Variants in RBFOX1 observed in about 807,000 individuals in gnomAD.
RBFOX1 encodes RNA binding protein fox-1 homolog 1.
In RBFOX1, 8 loss-of-function variants were observed where a neutral mutation model predicts 57.7. The observed-to-expected ratio is 0.14, with a 90% confidence interval of 0.08 to 0.25. RBFOX1 has a LOEUF of 0.25. RBFOX1 is among the 10% of genes least tolerant of loss of function. RBFOX1 has a pLI of 1.00. For missense variants in RBFOX1, 611 were observed against 548.5 expected, an observed-to-expected ratio of 1.11 and a Z score of -1.14; for synonymous variants, 326 against 222.4, an observed-to-expected ratio of 1.47 and a Z score of -4.15.
intron 3 of RBFOX1, among the ~76,000 whole-genome samples, chr16:5,719,452 C>G (rs1021891566): frequency 6.6e-6 from 1 of 151,744 alleles, no homozygotes; most frequent in Non-Finnish European, 1.5e-5. Context: ...GCTCGCGATC[C>G]GCCCACCTCG....
intron 2 of RBFOX1, among the ~76,000 whole-genome samples, chr16:6,396,898 G>A (rs1156522061): frequency 6.6e-6 from 1 of 152,096 alleles, no homozygotes; most frequent in African/African-American, 2.4e-5. Flanking sequence ...GAAAATTTTA[G>A]AATTACAAAT....
At chr16:6,885,965 A>G (rs11077102) in intron 3 of RBFOX1, among the ~76,000 whole-genome samples, 1 of 152,078 alleles carries the variant, frequency 6.6e-6, no homozygotes, top group Non-Finnish European at 1.5e-5. Context: ...GTTTGCTGTC[A>G]AGAATCACAA....
At chr16:5,754,141 A>G (rs2053313472) in intron 3 of RBFOX1, among the ~76,000 whole-genome samples, 1 of 152,190 alleles carries the variant, frequency 6.6e-6, no homozygotes, top group African/African-American at 2.4e-5. Flanking sequence ...ATTTTCCTGG[A>G]GTTGGCATAA....
In RBFOX1 at chr16:5,847,654, A is replaced by G. The variant is rs779015084; in HGVS notation, c.319-19649A>G. Among the ~76,000 whole-genome samples, 16 of 152,198 alleles carry G rather than the reference A, an allele frequency of 1.1e-4. No individual in the cohort carries two copies. In the South Asian group the frequency reaches 2.1e-3, roughly 20 times the overall value. On this transcript the variant is annotated intron_variant, in intron 3 of 19. Transcript: ENST00000641259. ...CTTTCTGGAGACTTTTAGTGAAGCT[A>G]TATGGCCCTCCGGAGGCTGACTGGC...
At chr16:7,004,735 A>C (rs957286677) in intron 3 of RBFOX1, among the ~76,000 whole-genome samples, 1 of 152,270 alleles carries the variant, frequency 6.6e-6, no homozygotes, top group Admixed American at 6.5e-5. Flanking sequence ...TATTCAAGAA[A>C]GGAGAAGTAG....
At chr16:6,071,285 C>T (rs1171319951) in intron 1 of RBFOX1, among the ~76,000 whole-genome samples, 1 of 152,308 alleles carries the variant, frequency 6.6e-6, no homozygotes, top group South Asian at 2.1e-4. Context: ...TGCACCATTG[C>T]ACTCCAGCCT....
intron 3 of RBFOX1, among the ~76,000 whole-genome samples, chr16:7,008,486 T>C (rs975724958): frequency 3.3e-5 from 5 of 151,908 alleles, no homozygotes; most frequent in African/African-American, 4.8e-5. Flanking sequence ...GTTGCAGTGA[T>C]CTGAGATCAT....
chr16:6,888,147 A>C (rs1439989121), intron 3 of RBFOX1, among the ~76,000 whole-genome samples: 2 of 152,158 alleles, frequency 1.3e-5, no homozygotes, highest in Non-Finnish European at 2.9e-5. Flanking sequence ...TTTAGGATTT[A>C]AGAACAGTAG....
chr16:6,681,610 C>T (rs765832050), intron 3 of RBFOX1, among the ~76,000 whole-genome samples: 4 of 144,090 alleles, frequency 2.8e-5, no homozygotes, highest in Non-Finnish European at 4.5e-5. Flanking sequence ...AAGCCGTAAA[C>T]AAAGAAATAA....
chr16:7,478,666 G>T (rs952876434), intron 4 of RBFOX1, among the ~76,000 whole-genome samples: 1 of 152,042 alleles, frequency 6.6e-6, no homozygotes, highest in Non-Finnish European at 1.5e-5. Flanking sequence ...CCAGCTTTCC[G>T]CTATATGCAA....
chr16:5,700,845 C>G (rs143629833), intron 3 of RBFOX1, among the ~76,000 whole-genome samples: 72 of 152,282 alleles, frequency 4.7e-4, no homozygotes, highest in African/African-American at 1.6e-3. Flanking sequence ...CATCTGTGAA[C>G]CAGTCATAGG....
intron 4 of RBFOX1, among the ~76,000 whole-genome samples, chr16:7,090,973 G>C (rs553993134): frequency 6.6e-6 from 1 of 152,242 alleles, no homozygotes; most frequent in East Asian, 1.9e-4. Context: ...CAATTGAGCT[G>C]TTTCTCCTAG....
intron 1 of RBFOX1, among the ~76,000 whole-genome samples, chr16:5,389,084 G>C (rs985192303): frequency 6.6e-6 from 1 of 151,512 alleles, no homozygotes. Flanking sequence ...CCAGCTACTC[G>C]GGAGGCTGAG....
At chr16:7,144,193 T>A (rs2074422226) in intron 4 of RBFOX1, among the ~76,000 whole-genome samples, 1 of 152,112 alleles carries the variant, frequency 6.6e-6, no homozygotes, top group Non-Finnish European at 1.5e-5. Context: ...ACGGATAGAC[T>A]CCATTTCTCC....
At chr16:6,828,038 G>C (rs1281577039) in intron 3 of RBFOX1, among the ~76,000 whole-genome samples, 1 of 152,104 alleles carries the variant, frequency 6.6e-6, no homozygotes, top group African/African-American at 2.4e-5. Context: ...ACTGGCACTG[G>C]TAAACCCTTG....
intron 2 of RBFOX1, among the ~76,000 whole-genome samples, chr16:6,324,130 T>A (rs1341143341): frequency 6.6e-6 from 1 of 152,008 alleles, no homozygotes; most frequent in Non-Finnish European, 1.5e-5. Flanking sequence ...TAATTTCTCA[T>A]CCCTCACCTT....
intron 4 of RBFOX1, among the ~76,000 whole-genome samples, chr16:7,395,081 C>G (rs901760223): frequency 3.3e-5 from 5 of 151,824 alleles, no homozygotes; most frequent in African/African-American, 7.3e-5. Flanking sequence ...TTTGTTGATT[C>G]AAACCAATTT....
At chr16:6,834,784 A>G (rs1326904057) in intron 3 of RBFOX1, among the ~76,000 whole-genome samples, 7 of 152,132 alleles carry the variant, frequency 4.6e-5, no homozygotes, top group Admixed American at 3.9e-4. Flanking sequence ...TGTGGCTCTC[A>G]GAGTCATTCT....
At chr16:5,432,361 T>C (rs568024697) in intron 1 of RBFOX1, among the ~76,000 whole-genome samples, 15 of 152,308 alleles carry the variant, frequency 9.8e-5, no homozygotes, top group Non-Finnish European at 1.8e-4. Context: ...AGCCCTGGCG[T>C]GAAGCTCTCG....
Sources: allele counts gnomAD v4.1 joint callset (sites outside exome capture counted in the v4.1 genomes callset), GRCh38; gene constraint gnomAD v4.1.1; transcripts MANE v1.5; gene names NCBI Gene and HGNC (gene_info 2026-07-23, HGNC 2026-07-21).